Variants in DENND3 observed in about 807,000 individuals in gnomAD.
DENND3 encodes DENN domain containing 3.
DENND3 carries 88 observed loss-of-function variants against 135.1 expected under a neutral mutation model. That is an observed-to-expected ratio of 0.65 (90% CI 0.55 to 0.78). The LOEUF is 0.78. Among genes scored for constraint, DENND3 ranks in the 30% least tolerant of loss-of-function variants. The probability of loss-of-function intolerance (pLI) is 0.00; values close to 1 mark genes in which losing one functional copy is unlikely to be tolerated. For missense variants in DENND3, 1,392 were observed against 1,688.4 expected (o/e 0.82, Z 3.08); for synonymous variants, 693 against 712.3 (o/e 0.97, Z 0.43).
intron 6 of DENND3, among the ~76,000 whole-genome samples, chr8:141,151,200 C>G (rs115633360): frequency 6.6e-6 from 1 of 152,154 alleles, no homozygotes; most frequent in East Asian, 1.9e-4. Flanking sequence ...GGGAAGAGCC[C>G]GCAGTCAGTC....
chr8:141,168,030 TA>T lies in DENND3; in HGVS notation c.1781del (p.Tyr594LeufsTer28). On this transcript the variant is annotated frameshift_variant, in exon 13 of 23. Coordinates refer to ENST00000519811, the MANE Select transcript of DENND3 (RefSeq NM_001352890.3). LOFTEE classifies it high-confidence loss of function. This position sits in a 1 kb window ranked among gnomAD's most constrained non-coding sequence, Gnocchi z 6.2. ...TCTGAATGTCACGCCGAAGTCCCCG[TA>T]TACATTCAAGATTCCCGAAATCCAC... The part of the protein sequence containing the change: ...AVLNVTPKSP[Y>X]TFKIPEIHFP... 1 of 1,613,298 alleles carries T rather than the reference TA, an allele frequency of 6.2e-7. No homozygotes were observed. Among genetic ancestry groups the T allele is most frequent in the Admixed American group, 1.7e-5 (1 of 60,014 alleles).
At position 141,189,151 on chromosome 8, in the gene DENND3, A is replaced by G. The variant is rs781252632; in HGVS notation, c.3245+5A>G. 6.2e-7 allele frequency: 1 copy of G among 1,614,192 alleles called. No homozygotes were observed. Among genetic ancestry groups the G allele is most frequent in the South Asian group, 1.1e-5 (1 of 91,070 alleles). ...GGACGGACAGGAGGCACCCAGGTGC[A>G]GTAAGCTCTGCTGGGGAGAAGGGAC... On this transcript the variant is annotated splice_donor_5th_base_variant and intron_variant, in intron 19 of 22. Coordinates refer to ENST00000519811, the MANE Select transcript of DENND3 (RefSeq NM_001352890.3).
chr8:141,160,499 A>G, intron 8 of DENND3, 133 bp from the exon 9 acceptor site: 1 of 1,174,004 alleles, frequency 8.5e-7, no homozygotes. Flanking sequence ...TACTTTAATG[A>G]CCACCCGCCC....
rs746546343 is a variant in DENND3, at chr8:141,160,742, G to A, written c.1307G>A (p.Cys436Tyr). 3 of 1,613,068 alleles carry A rather than the reference G, an allele frequency of 1.9e-6. No homozygotes were observed. The highest frequency in any genetic ancestry group is 3.3e-5 in the Admixed American group (2 of 60,030). Residue 436 changes from cysteine to tyrosine, a missense_variant, in exon 9 of 23, where the codon TGC (cysteine) becomes TAC (tyrosine). Physicochemically the swap from Cys to Tyr is radical, Grantham distance 194. Coordinates refer to ENST00000519811, the MANE Select transcript of DENND3 (RefSeq NM_001352890.3). ...CGGTCCTGGCAGCAGAAACTCAACTGCCAGATACAGCAGACCACCCTGCAG... is the reference window on the plus strand; with the variant it reads ...CGGTCCTGGCAGCAGAAACTCAACTACCAGATACAGCAGACCACCCTGCAG... ...HRRSWQQKLN[C>Y]QIQQTTLQLL...
intron 4 of DENND3, chr8:141,142,204 A>C (rs1251255747): frequency 5.8e-6 from 2 of 347,564 alleles, no homozygotes; most frequent in Admixed American, 8.1e-5. Context: ...GCCCAAGTTC[A>C]GACATGGTCA....
chr8:141,167,667 A>G lies in DENND3; in HGVS notation c.1754-337A>G, dbSNP rs1029273021. ...TGAAACAATGGTTCTAAAGGGCTTC[A>G]TCCTGCCTAGCAGGTACATCTTGGC... is the stretch of plus-strand genomic sequence containing the variant. On this transcript the variant is annotated intron_variant, in intron 12 of 22. Coordinates refer to ENST00000519811, the MANE Select transcript of DENND3 (RefSeq NM_001352890.3). The surrounding 1 kb of genome is among the most constrained non-coding windows in gnomAD (Gnocchi z 4.1). Among the ~76,000 whole-genome samples, 4 of 152,208 alleles carry G rather than the reference A, an allele frequency of 2.6e-5. No individual in the cohort carries two copies. The highest frequency in any genetic ancestry group is 6.5e-5 in the Admixed American group (1 of 15,276).
chr8:141,194,376 G>C lies in DENND3; in HGVS notation c.*143G>C. The C allele has an allele frequency of 1.0e-6, 1 of 986,912 alleles. No homozygotes were observed. The allele number at this position is 986,912 out of a possible 1,614,324, so 61.1% of individuals were successfully genotyped here. A position where few individuals can be genotyped will look rare whatever the true frequency, so the allele number is the denominator to read the frequency against. On this transcript the variant is annotated 3_prime_UTR_variant, in exon 23 of 23. Transcript: ENST00000519811. ...ATGGAGCCCACTTACCGTGTGGCCA[G>C]CCGCGAGACCCATGGCCACGCACCT...
chr8:141,185,349 C>T, intron 18 of DENND3, 71 bp downstream of exon 18: 2 of 1,590,842 alleles, frequency 1.3e-6, no homozygotes, highest in Non-Finnish European at 1.7e-6. Context: ...TGTGTTCATC[C>T]ATATTCGACA....
At chr8:141,192,223 A>AT (rs1824844594) in intron 20 of DENND3, 108 bp from the exon 21 acceptor site, 9 of 1,481,472 alleles carry the variant, frequency 6.1e-6, no homozygotes, top group Non-Finnish European at 8.2e-6. Flanking sequence ...GCACGTGGTG[A>AT]TCCCCCCCAT....
At chr8:141,133,758 G>C (rs1025289478) in intron 1 of DENND3, among the ~76,000 whole-genome samples, 2 of 152,182 alleles carry the variant, frequency 1.3e-5, no homozygotes, top group Non-Finnish European at 2.9e-5. Context: ...CTGAAGACCC[G>C]AACTGCACTG....
intron 5 of DENND3, chr8:141,150,196 A>T: frequency 3.3e-6 from 2 of 615,070 alleles, no homozygotes; most frequent in Non-Finnish European, 4.7e-6. Flanking sequence ...GGTGGCAGGA[A>T]CTCGCTGTTT....
chr8:141,143,653 A>G (rs1289923006), intron 4 of DENND3, among the ~76,000 whole-genome samples: 1 of 151,926 alleles, frequency 6.6e-6, no homozygotes, highest in African/African-American at 2.4e-5. Flanking sequence ...TGATTCTCCC[A>G]CCTTGGACTC....
chr8:141,138,253 A>G lies in DENND3; in HGVS notation c.501+116A>G. On this transcript the variant is annotated intron_variant, in intron 3 of 22. Transcript: ENST00000519811. This position sits in a 1 kb window ranked among gnomAD's most constrained non-coding sequence, Gnocchi z 4.8. ...ATTTTAAAGTGTGCAGTTCCGTAAC[A>G]TTAAGTACATTCACAGCATTGTGCA... The G allele has an allele frequency of 6.5e-6, 7 of 1,074,892 alleles. No individual in the cohort carries two copies. The highest frequency in any genetic ancestry group is 9.5e-6 in the Non-Finnish European group (7 of 737,394). 66.6% of individuals were successfully genotyped at this position (1,074,892 alleles called of 1,614,324 possible).
chr8:141,160,303 C>T lies in DENND3; in HGVS notation c.1197-329C>T, dbSNP rs574302667. ...AAGCGATTCTCCTGGCTCAGCCTCC[C>T]GAGTAGCTGGGATTACAGGTGCCTG... On this transcript the variant is annotated intron_variant, in intron 8 of 22. Coordinates refer to ENST00000519811, the MANE Select transcript of DENND3 (RefSeq NM_001352890.3). 1.1e-4 allele frequency among the ~76,000 whole-genome samples: 16 copies of T among 152,040 alleles called. No individual in the cohort carries two copies. In the South Asian group the frequency reaches 2.1e-3, roughly 20 times the overall value.
In DENND3 at chr8:141,166,889, T is replaced by G. The variant is rs1820877085; in HGVS notation, c.1753+500T>G. On this transcript the variant is annotated intron_variant, in intron 12 of 22. Coordinates refer to ENST00000519811, the MANE Select transcript of DENND3 (RefSeq NM_001352890.3). This position sits in a 1 kb window ranked among gnomAD's most constrained non-coding sequence, Gnocchi z 4.3. Reference sequence around the variant, plus strand: ...ACATTTCCACAGAGATGGGACTGCATGGAGAGGCCAAGCCCAGCCTCGCGC... The same window carrying G: ...ACATTTCCACAGAGATGGGACTGCAGGGAGAGGCCAAGCCCAGCCTCGCGC... Among the ~76,000 whole-genome samples, 1 of 152,118 alleles carries G rather than the reference T, an allele frequency of 6.6e-6. No individual in the cohort carries two copies. The highest frequency in any genetic ancestry group is 2.1e-4 in the South Asian group (1 of 4,824).
intron 17 of DENND3, among the ~76,000 whole-genome samples, chr8:141,183,498 C>T (rs1823453052): frequency 6.7e-6 from 1 of 149,084 alleles, no homozygotes; most frequent in African/African-American, 2.5e-5. Flanking sequence ...CTTGAGCAGT[C>T]TGCCGGTTTT....
intron 7 of DENND3, among the ~76,000 whole-genome samples, chr8:141,153,092 CTTTTTTTTTTTTT>C (rs35650187): frequency 8.4e-6 from 1 of 119,376 alleles, no homozygotes; most frequent in Admixed American, 8.4e-5. Flanking sequence ...CAATATCTTT[CTTTTTTTTTTTTT>C]TTTTTTGAGA....
In DENND3 at chr8:141,174,737, G is replaced by A. The variant is rs1044433998; in HGVS notation, c.2276-463G>A. On this transcript the variant is annotated intron_variant, in intron 13 of 22. Transcript: ENST00000519811. The surrounding 1 kb of genome is among the most constrained non-coding windows in gnomAD (Gnocchi z 4.6). The stretch of plus-strand genomic sequence containing the variant: ...GCCAGTTACAGGAGAGGCCGACCCA[G>A]TGGCAGGGCAGCGGCGCTAAGGATC... 6.6e-6 allele frequency among the ~76,000 whole-genome samples: 1 copy of A among 152,162 alleles called. No individual in the cohort carries two copies. The highest frequency in any genetic ancestry group is 6.5e-5 in the Admixed American group (1 of 15,284).
At chr8:141,171,017 G>T (rs1451230810) in intron 13 of DENND3, among the ~76,000 whole-genome samples, 1 of 152,176 alleles carries the variant, frequency 6.6e-6, no homozygotes, top group Non-Finnish European at 1.5e-5. Context: ...GCCCGGGAAG[G>T]GTGCGTGGGC....
Sources: allele counts gnomAD v4.1 joint callset (sites outside exome capture counted in the v4.1 genomes callset), GRCh38; gene constraint gnomAD v4.1.1; non-coding constraint Gnocchi (gnomAD v3.1); transcripts MANE v1.5; gene names NCBI Gene and HGNC (gene_info 2026-07-23, HGNC 2026-07-21).